DOCK5: variants seen among roughly 807,000 people sequenced by gnomAD.
The protein encoded by DOCK5 is dedicator of cytokinesis 5, also known as dedicator of cytokinesis protein 5.
DOCK5 carries 142 observed loss-of-function variants against 251.8 expected under a neutral mutation model. The ratio of observed to expected loss-of-function variants is 0.56; its 90% CI spans 0.49 to 0.65. The LOEUF (loss-of-function observed/expected upper bound fraction) is 0.65, where lower values mean the gene tolerates loss of function less well. Among genes scored for constraint, DOCK5 ranks in the 30% least tolerant of loss-of-function variants. The pLI is 0.00. For synonymous variants in DOCK5, 842 were observed against 835.5 expected (o/e 1.01, Z -0.13); for missense variants, 2,111 against 2,312.3 (o/e 0.91, Z 1.79).
intron 1 of DOCK5, among the ~76,000 whole-genome samples, chr8:25,197,650 C>A (rs1194744308): frequency 1.5e-5 from 2 of 135,028 alleles, no homozygotes; most frequent in Non-Finnish European, 3.0e-5. Flanking sequence ...ATGGCGTGAT[C>A]TCGGCTCATT....
intron 14 of DOCK5, 59 bp downstream of exon 14, chr8:25,317,190 G>T: frequency 6.3e-7 from 1 of 1,589,028 alleles, no homozygotes; most frequent in South Asian, 1.1e-5. Flanking sequence ...AATCACGATA[G>T]AATCTTGGCC....
At chr8:25,340,816 C>A in intron 22 of DOCK5, 61 bp from the exon 23 acceptor site, 1 of 1,380,542 alleles carries the variant, frequency 7.2e-7, no homozygotes. Context: ...GGCAACAAAT[C>A]TATTTTAAAA....
At chr8:25,206,407 G>A (rs980460173) in intron 1 of DOCK5, among the ~76,000 whole-genome samples, 1 of 152,108 alleles carries the variant, frequency 6.6e-6, no homozygotes, top group Admixed American at 6.6e-5. Context: ...CAATATCTGT[G>A]GTGTAAATAC....
At position 25,368,650 on chromosome 8, in the gene DOCK5, G is replaced by A; in HGVS notation, c.3363G>A (p.Arg1121=). ...CTCTGACCCCTGAAGTAGAGCTCCGGAAAGCCACAATCCCCATTTTCTTTG... is the reference window on the plus strand; with the variant it reads ...CTCTGACCCCTGAAGTAGAGCTCCGAAAAGCCACAATCCCCATTTTCTTTG... ...EVTLTPEVEL[R]KATIPIFFDM... is the part of the protein sequence containing the mutation. The change falls in exon 33 of 52, where the codon CGG becomes CGA. Residue 1121 remains arginine, a synonymous_variant. Transcript: ENST00000276440. 1.2e-6 allele frequency: 2 copies of A among 1,613,860 alleles called. No homozygotes were observed. Among genetic ancestry groups the A allele is most frequent in the Non-Finnish European group, 1.7e-6 (2 of 1,179,854 alleles).
At chr8:25,278,490 G>T (rs1004544925) in intron 4 of DOCK5, 79 bp from the exon 5 acceptor site, 4 of 1,403,516 alleles carry the variant, frequency 2.8e-6, no homozygotes, top group African/African-American at 1.4e-5. Context: ...AACCTTGAAC[G>T]TTGGGAAGTC....
intron 1 of DOCK5, among the ~76,000 whole-genome samples, chr8:25,226,122 A>G (rs565926144): frequency 7.9e-5 from 12 of 152,308 alleles, no homozygotes; most frequent in African/African-American, 2.9e-4. Context: ...AGAAAAATTG[A>G]ATCTGTTTAT....
chr8:25,357,981 G>A (rs1366345972), intron 27 of DOCK5, among the ~76,000 whole-genome samples: 2 of 152,030 alleles, frequency 1.3e-5, no homozygotes, highest in Admixed American at 6.5e-5. Context: ...TGGAAGCAGT[G>A]TTAATGAATC....
chr8:25,229,210 A>G (rs1159471639), intron 1 of DOCK5, among the ~76,000 whole-genome samples: 2 of 152,184 alleles, frequency 1.3e-5, no homozygotes, highest in Non-Finnish European at 2.9e-5. Flanking sequence ...AGCCAGGTGC[A>G]GTGGCTCACG....
intron 1 of DOCK5, among the ~76,000 whole-genome samples, chr8:25,202,871 C>T (rs1034803790): frequency 6.6e-6 from 1 of 152,108 alleles, no homozygotes; most frequent in African/African-American, 2.4e-5. Flanking sequence ...TGCAATACCC[C>T]GGCAGTTTGT....
intron 47 of DOCK5, among the ~76,000 whole-genome samples, chr8:25,402,938 C>T (rs1427665506): frequency 1.3e-5 from 2 of 152,152 alleles, no homozygotes; most frequent in Non-Finnish European, 2.9e-5. Context: ...GATTGTGCCT[C>T]CTAACCTGCT....
intron 15 of DOCK5, 58 bp from the exon 16 acceptor site, chr8:25,320,922 A>G: frequency 6.7e-7 from 1 of 1,483,954 alleles, no homozygotes; most frequent in Non-Finnish European, 9.3e-7. Flanking sequence ...CCATGAAATA[A>G]ACCATGCTTG....
intron 37 of DOCK5, 54 bp downstream of exon 37, chr8:25,374,708 A>G (rs762045346): frequency 6.2e-7 from 1 of 1,613,216 alleles, no homozygotes; most frequent in South Asian, 1.1e-5. Context: ...GTCCTTTCAG[A>G]CTAAATTCTA....
intron 1 of DOCK5, among the ~76,000 whole-genome samples, chr8:25,225,071 T>G (rs968772323): frequency 1.3e-5 from 2 of 152,126 alleles, no homozygotes; most frequent in Non-Finnish European, 2.9e-5. Flanking sequence ...ATGGCTGTTA[T>G]CAAAAACAAA....
At chr8:25,331,820 AGAGAGAGAGAGAGAG>A (rs1805690552) in intron 18 of DOCK5, among the ~76,000 whole-genome samples, 2 of 149,822 alleles carry the variant, frequency 1.3e-5, no homozygotes, top group African/African-American at 4.9e-5. Flanking sequence ...AGAGAGAGAG[AGAGAGAGAGAGAGAG>A]AGAGAGATAC....
Position 25,392,259 on chromosome 8 carries a change from G to A in DOCK5, c.4440+279G>A, listed in dbSNP as rs577225887. ...GCGGAGGTTGCAGTGAGCTGAGGTC[G>A]CACCACTGCACTCCAGCATGGGCGA... On this transcript the variant is annotated intron_variant, in intron 43 of 51. Transcript: ENST00000276440. Among the ~76,000 whole-genome samples the A allele has an allele frequency of 1.8e-4, 26 of 148,414 alleles. No homozygotes were observed. In the South Asian group the frequency reaches 4.5e-3, roughly 26 times the overall value.
At chr8:25,334,653 A>G (rs1461801352) in intron 21 of DOCK5, among the ~76,000 whole-genome samples, 1 of 152,028 alleles carries the variant, frequency 6.6e-6, no homozygotes, top group East Asian at 1.9e-4. Context: ...TCAAGGCTGC[A>G]GTGAGCTGTG....
chr8:25,220,793 G>A (rs969001876), intron 1 of DOCK5, among the ~76,000 whole-genome samples: 3 of 152,040 alleles, frequency 2.0e-5, no homozygotes, highest in Non-Finnish European at 4.4e-5. Flanking sequence ...TTGTAGAGTT[G>A]GGGTTTCACC....
chr8:25,388,658 T>C (rs1229930584), intron 40 of DOCK5, among the ~76,000 whole-genome samples: 1 of 152,234 alleles, frequency 6.6e-6, no homozygotes, highest in Non-Finnish European at 1.5e-5. Context: ...AAATTGTTGC[T>C]GGATGGTGAT....
In DOCK5 at chr8:25,364,627, G is replaced by C. The variant is rs141444477; in HGVS notation, c.3046G>C (p.Val1016Leu). 1.3e-6 allele frequency: 2 copies of C among 1,596,594 alleles called. No individual in the cohort carries two copies. The highest frequency in any genetic ancestry group is 2.2e-5 in the East Asian group (1 of 44,586). Reference protein sequence around the residue: ...WMVMNMTQNRVFLRAINQFAE... With the variant: ...WMVMNMTQNRLFLRAINQFAE... ...TTATCTGGTGTTTTCCTTCCGCAGG[G>C]TTTTTCTCCGTGCTATAAATCAGTT... Residue 1016 changes from valine to leucine, a missense_variant and splice_region_variant, in exon 30 of 52, where the codon GTT (valine) becomes CTT (leucine). Around this residue, in one of 3 missense-constraint regions of DOCK5, gnomAD observed 1,717 missense variants for 1,892.4 expected, o/e 0.91. Transcript: ENST00000276440.
Sources: allele counts gnomAD v4.1 joint callset (sites outside exome capture counted in the v4.1 genomes callset), GRCh38; gene constraint gnomAD v4.1.1; regional missense constraint gnomAD v4.1.1; transcripts MANE v1.5; gene names NCBI Gene and HGNC (gene_info 2026-07-23, HGNC 2026-07-21).